ARHGAP42: variants seen among roughly 807,000 people sequenced by gnomAD.
ARHGAP42 encodes Rho GTPase activating protein 42.
A neutral mutation model predicts 125.0 loss-of-function variants in ARHGAP42; 63 were observed. That is an observed-to-expected ratio of 0.50 (90% CI 0.41 to 0.62). The LOEUF (loss-of-function observed/expected upper bound fraction) is 0.62, where lower values mean the gene tolerates loss of function less well. Among genes scored for constraint, ARHGAP42 ranks in the 20% least tolerant of loss-of-function variants. The pLI is 0.00. For synonymous variants in ARHGAP42, 339 were observed against 351.0 expected (o/e 0.97, Z 0.38); for missense variants, 766 against 1,024.2 (o/e 0.75, Z 3.44).
At chr11:100,804,078 T>C (rs1179188833) in intron 3 of ARHGAP42, among the ~76,000 whole-genome samples, 1 of 152,190 alleles carries the variant, frequency 6.6e-6, no homozygotes, top group Non-Finnish European at 1.5e-5. Context: ...CAAGTGATCC[T>C]CCTGCCTCAG....
chr11:100,833,892 G>C (rs997495698), intron 3 of ARHGAP42, among the ~76,000 whole-genome samples: 3 of 152,158 alleles, frequency 2.0e-5, no homozygotes, highest in African/African-American at 7.2e-5. Context: ...TTAAAACTAG[G>C]TAGGTAGATA....
intron 17 of ARHGAP42, among the ~76,000 whole-genome samples, chr11:100,966,553 C>T (rs920345954): frequency 1.3e-5 from 2 of 152,042 alleles, no homozygotes; most frequent in Admixed American, 1.3e-4. Flanking sequence ...ATGAGGCCCA[C>T]CTACATTTTG....
chr11:100,709,236 C>T (rs1861524156), intron 1 of ARHGAP42, among the ~76,000 whole-genome samples: 1 of 152,140 alleles, frequency 6.6e-6, no homozygotes, highest in South Asian at 2.1e-4. Flanking sequence ...GACGGCGTTT[C>T]ACCATGTTGG....
At chr11:100,976,760 T>C (rs1858402464) in intron 20 of ARHGAP42, 55 bp from the exon 21 acceptor site, 1 of 1,529,256 alleles carries the variant, frequency 6.5e-7, no homozygotes, top group African/African-American at 1.4e-5. Flanking sequence ...GTACGTGTTA[T>C]TGCTATTATG....
intron 12 of ARHGAP42, among the ~76,000 whole-genome samples, chr11:100,951,281 T>C (rs1857641288): frequency 6.6e-6 from 1 of 152,138 alleles, no homozygotes; most frequent in African/African-American, 2.4e-5. Context: ...ATTCTCACAT[T>C]TACTTCCTTA....
intron 10 of ARHGAP42, among the ~76,000 whole-genome samples, chr11:100,946,839 T>C (rs769772855): frequency 1.3e-5 from 2 of 152,026 alleles, no homozygotes; most frequent in Non-Finnish European, 2.9e-5. Flanking sequence ...CAAACGCTCT[T>C]GGAAAAATGG....
chr11:100,939,600 T>C (rs1016337412), intron 8 of ARHGAP42, among the ~76,000 whole-genome samples: 1 of 152,172 alleles, frequency 6.6e-6, no homozygotes, highest in Non-Finnish European at 1.5e-5. Context: ...CGATGAATGT[T>C]AATTCCCCTT....
In ARHGAP42 at chr11:100,948,449, T is replaced by A; in HGVS notation, c.1044-8T>A. On this transcript the variant is annotated splice_polypyrimidine_tract_variant and splice_region_variant and intron_variant, in intron 10 of 23. Transcript: ENST00000298815. ...GTGTAAATATAGAAAATATTTGTTT[T>A]TAAATAGGCATGGGATCATCACGTT... The A allele has an allele frequency of 1.3e-6, 2 of 1,523,152 alleles. No individual in the cohort carries two copies. Among genetic ancestry groups the A allele is most frequent in the African/African-American group, 1.4e-5 (1 of 71,784 alleles). 94.4% of individuals were successfully genotyped at this position (1,523,152 alleles called of 1,614,324 possible). A position where few individuals can be genotyped will look rare whatever the true frequency, so the allele number is the denominator to read the frequency against.
chr11:100,689,446 A>G (rs1174657425), intron 1 of ARHGAP42, among the ~76,000 whole-genome samples: 13 of 152,204 alleles, frequency 8.5e-5, no homozygotes, highest in Admixed American at 6.5e-5. Context: ...TCTGCTTGAG[A>G]TAAACTTTAG....
intron 4 of ARHGAP42, among the ~76,000 whole-genome samples, chr11:100,882,827 C>G (rs1177534262): frequency 6.6e-6 from 1 of 152,086 alleles, no homozygotes; most frequent in Non-Finnish European, 1.5e-5. Flanking sequence ...CTGATTTAAG[C>G]TAGGAGAGTT....
intron 3 of ARHGAP42, among the ~76,000 whole-genome samples, chr11:100,844,872 A>C (rs1473272203): frequency 6.6e-6 from 1 of 152,136 alleles, no homozygotes; most frequent in Non-Finnish European, 1.5e-5. Flanking sequence ...ACTGTGGAAA[A>C]CAGAGTGGAT....
At chr11:100,977,797 C>T (rs1858431145) in intron 21 of ARHGAP42, among the ~76,000 whole-genome samples, 1 of 152,132 alleles carries the variant, frequency 6.6e-6, no homozygotes, top group African/African-American at 2.4e-5. Flanking sequence ...ACCTAGGGTT[C>T]TCTGACTACA....
Position 100,736,257 on chromosome 11 carries a change from C to G in ARHGAP42, c.155-34086C>G, listed in dbSNP as rs1361050707. Among the ~76,000 whole-genome samples, 4 of 151,942 alleles carry G rather than the reference C, an allele frequency of 2.6e-5. No individual in the cohort carries two copies. In the South Asian group the frequency reaches 8.4e-4, roughly 32 times the overall value. On this transcript the variant is annotated intron_variant, in intron 1 of 23. Transcript: ENST00000298815. ...TCATCATTTTGTGAAGCTTTGTGAG[C>G]TTTTTCATTCTTTTACATCTCCGTT...
chr11:100,777,534 G>A (rs1863160749), intron 2 of ARHGAP42, among the ~76,000 whole-genome samples: 1 of 152,150 alleles, frequency 6.6e-6, no homozygotes, highest in Non-Finnish European at 1.5e-5. Context: ...GGTAATATTT[G>A]ATTCTGTTTC....
intron 16 of ARHGAP42, among the ~76,000 whole-genome samples, chr11:100,963,760 A>G (rs1858017922): frequency 6.6e-6 from 1 of 152,228 alleles, no homozygotes; most frequent in Non-Finnish European, 1.5e-5. Flanking sequence ...ATCAGGACAC[A>G]AAGTGGGCAA....
chr11:100,981,022 C>A (rs1339869870), intron 22 of ARHGAP42, among the ~76,000 whole-genome samples: 1 of 152,186 alleles, frequency 6.6e-6, no homozygotes. Flanking sequence ...CAACTTTTCA[C>A]TGAGGCACAG....
chr11:100,830,565 A>G (rs1864641610), intron 3 of ARHGAP42, among the ~76,000 whole-genome samples: 1 of 152,186 alleles, frequency 6.6e-6, no homozygotes, highest in South Asian at 2.1e-4. Flanking sequence ...GCAGTGTCAC[A>G]AGATCCTCAG....
intron 4 of ARHGAP42, among the ~76,000 whole-genome samples, chr11:100,860,611 A>C (rs1259343744): frequency 6.6e-6 from 1 of 152,172 alleles, no homozygotes; most frequent in East Asian, 1.9e-4. Flanking sequence ...CTCTCTCTGG[A>C]ATACTTCTTA....
intron 1 of ARHGAP42, among the ~76,000 whole-genome samples, chr11:100,755,994 T>C (rs1179202881): frequency 6.6e-6 from 1 of 152,170 alleles, no homozygotes; most frequent in Non-Finnish European, 1.5e-5. Context: ...ATATGACTGA[T>C]GGAAATATAA....
Sources: allele counts gnomAD v4.1 joint callset (sites outside exome capture counted in the v4.1 genomes callset), GRCh38; gene constraint gnomAD v4.1.1; transcripts MANE v1.5; gene names NCBI Gene and HGNC (gene_info 2026-07-23, HGNC 2026-07-21).